The following PYGM variants were observed in gnomAD, a reference collection of about 807,000 sequenced individuals.
PYGM encodes glycogen phosphorylase, muscle form.
In PYGM, 81 loss-of-function variants were observed where a neutral mutation model predicts 99.3. The observed-to-expected ratio is 0.82, with a 90% CI of 0.68 to 0.98. PYGM has a LOEUF of 0.98. PYGM is among the 50% of genes least tolerant of loss of function. PYGM has a pLI of 0.00. For synonymous variants in PYGM, 436 were observed against 451.5 expected, an observed-to-expected ratio of 0.97 and a Z score of 0.44; for missense variants, 1,030 against 1,158.1, an observed-to-expected ratio of 0.89 and a Z score of 1.61.
chr11:64,751,296 TC>T, intron 16 of PYGM, 28 bp downstream of exon 16: 1 of 1,613,666 alleles, frequency 6.2e-7, no homozygotes, highest in Non-Finnish European at 8.5e-7. Flanking sequence ...AGTCAGAGCC[TC>T]CCTAGGGTCC....
intron 15 of PYGM, 27 bp downstream of exon 15, chr11:64,751,570 G>A: frequency 6.2e-7 from 1 of 1,614,038 alleles, no homozygotes; most frequent in Non-Finnish European, 8.5e-7. Flanking sequence ...AAGGACGGGA[G>A]CCCAGGGCTG....
In PYGM at chr11:64,753,158, T is replaced by C. The variant is rs758131128; in HGVS notation, c.1433A>G (p.His478Arg). The change falls in exon 12 of 20, where the codon CAT becomes CGT. Residue 478 changes from histidine to arginine, a missense_variant. His to Arg is a conservative substitution (Grantham distance 29). Coordinates refer to ENST00000164139, the MANE Select transcript of PYGM (RefSeq NM_005609.4). ...IFKDFYELEPHKFQNKTNGIT... is the reference protein window; with the variant it reads ...IFKDFYELEPRKFQNKTNGIT... Reference sequence around the variant, plus strand: ...GCCGTTGGTCTTATTCTGGAACTTATGAGGCTCCAGCTCATAGAAGTCTTT... The same window carrying C: ...GCCGTTGGTCTTATTCTGGAACTTACGAGGCTCCAGCTCATAGAAGTCTTT... 2.5e-5 allele frequency: 40 copies of C among 1,613,606 alleles called. No homozygotes were observed. The highest frequency in any genetic ancestry group is 3.3e-5 in the Non-Finnish European group (39 of 1,179,550).
Position 64,759,792 on chromosome 11 carries a change from A to C in PYGM, c.107T>G (p.Leu36Arg), listed in dbSNP as rs1394188143. The change falls in exon 1 of 20, where the codon CTG (leucine) becomes CGG (arginine). Residue 36 changes from leucine (L) to arginine (R), a missense_variant. Coordinates refer to ENST00000164139, the MANE Select transcript of PYGM (RefSeq NM_005609.4). ...GCGGTCCTTTACGAGTGTGAAATGC[A>C]GGTGCCGGTTGAAGTTCTTTTTCAG... Reference protein sequence around the residue: ...TELKKNFNRHLHFTLVKDRNV... With the variant: ...TELKKNFNRHRHFTLVKDRNV... 4.3e-6 allele frequency: 7 copies of C among 1,614,110 alleles called. No individual in the cohort carries two copies. The highest frequency in any genetic ancestry group is 5.9e-6 in the Non-Finnish European group (7 of 1,180,044).
At position 64,754,070 on chromosome 11, in the gene PYGM, G is replaced by A; in HGVS notation, c.1093-45C>T. On this transcript the variant is annotated intron_variant, in intron 9 of 19. Transcript: ENST00000164139. This position sits in a 1 kb window ranked among gnomAD's most constrained non-coding sequence, Gnocchi z 5.5. ...GTCAGGATGCTGACCTCAGCCCAGT[G>A]GGTCTCCTCACACACTACGCATCCC... 6.9e-6 allele frequency: 11 copies of A among 1,598,002 alleles called. No homozygotes were observed. The highest frequency in any genetic ancestry group is 9.4e-6 in the Non-Finnish European group (11 of 1,172,448).
At chr11:64,747,672 G>A in intron 17 of PYGM, 1 of 395,482 alleles carries the variant, frequency 2.5e-6, no homozygotes, top group Non-Finnish European at 4.8e-6. Context: ...GCTCCAAAAT[G>A]GCTTTTCTCC....
At position 64,747,209 on chromosome 11, in the gene PYGM, G is replaced by A. The variant is rs748356461; in HGVS notation, c.2312+15C>T. 19 of 1,613,692 alleles carry A rather than the reference G, an allele frequency of 1.2e-5. No individual in the cohort carries two copies. Among genetic ancestry groups the A allele is most frequent in the Middle Eastern group, 3.3e-4 (2 of 5,974 alleles). On this transcript the variant is annotated intron_variant, in intron 18 of 19. Transcript: ENST00000164139. ...TGCGGCCCCACCTGAGTGATTCCCG[G>A]GCCAACCAGCTCACCGGTCATGGTG...
Position 64,754,555 on chromosome 11 carries a change from G to A in PYGM, c.999+138C>T, listed in dbSNP as rs2058381477. On this transcript the variant is annotated intron_variant, in intron 8 of 19. Transcript: ENST00000164139. This position sits in a 1 kb window ranked among gnomAD's most constrained non-coding sequence, Gnocchi z 5.5. ...CCCAGGTTCTGAGCCTGTGGATTGT[G>A]AATCCTGAACAACTGACCCTCCCAC... 2 of 1,327,506 alleles carry A rather than the reference G, an allele frequency of 1.5e-6. No homozygotes were observed. Among genetic ancestry groups the A allele is most frequent in the Admixed American group, 2.0e-5 (1 of 49,738 alleles). The allele number at this position is 1,327,506 out of a possible 1,614,324, so 82.2% of individuals were successfully genotyped here. A position where few individuals can be genotyped will look rare whatever the true frequency, so the allele number is the denominator to read the frequency against.
Position 64,750,476 on chromosome 11 carries a change from T to C in PYGM, c.2077A>G (p.Met693Val), listed in dbSNP as rs1375876566. Residue 693 changes from methionine to valine, a missense_variant, in exon 17 of 20, where the codon ATG (methionine) becomes GTG (valine). By Grantham distance (21) the Met-to-Val change is conservative. Transcript: ENST00000164139. Reference protein sequence around the residue: ...MLNGALTIGTMDGANVEMAEE... With the variant: ...MLNGALTIGTVDGANVEMAEE... ...GCCATCTCCACATTGGCCCCGTCCA[T>C]GGTGCCAATGGTCAGAGCCCCGTTG... The C allele has an allele frequency of 1.2e-6, 2 of 1,614,106 alleles. No individual in the cohort carries two copies. The highest frequency in any genetic ancestry group is 2.2e-5 in the South Asian group (2 of 91,086).
intron 10 of PYGM, 63 bp from the exon 11 acceptor site, chr11:64,753,745 C>T: frequency 6.5e-7 from 1 of 1,547,486 alleles, no homozygotes; most frequent in Non-Finnish European, 8.7e-7. Context: ...GTCCCCAGCC[C>T]CACACCCCCA....
rs2058422018 is a variant in PYGM at position 64,759,776 on chromosome 11, TACGAGTGTGAA to T, written c.112_122del (p.Phe38LysfsTer36). On this transcript the variant is annotated frameshift_variant, in exon 1 of 20. Coordinates refer to ENST00000164139, the MANE Select transcript of PYGM (RefSeq NM_005609.4). LOFTEE classifies it high-confidence loss of function. The stretch of plus-strand genomic sequence containing the variant: ...GTGGGGTGGCCACATTGCGGTCCTT[TACGAGTGTGAA>T]ATGCAGGTGCCGGTTGAAGTTCTTT... 6.2e-7 allele frequency: 1 copy of T among 1,614,194 alleles called. No homozygotes were observed.
At chr11:64,759,992 A>T, upstream of PYGM, 19 of 1,556,710 alleles carry the variant, frequency 1.2e-5, no homozygotes, top group Non-Finnish European at 1.5e-5. Flanking sequence ...CCCAGCCTCA[A>T]GGGGATTTAA....
In PYGM at chr11:64,750,706, G is replaced by A. The variant is rs528264823; in HGVS notation, c.1970-123C>T. ...AGAGTCGCCCCACCCCAAACTCCCAGTCTTCACCAGCCAAGCCTCCCTCTC... is the reference window on the plus strand; with the variant it reads ...AGAGTCGCCCCACCCCAAACTCCCAATCTTCACCAGCCAAGCCTCCCTCTC... On this transcript the variant is annotated intron_variant, in intron 16 of 19. Coordinates refer to ENST00000164139, the MANE Select transcript of PYGM (RefSeq NM_005609.4). 4 of 858,334 alleles carry A rather than the reference G, an allele frequency of 4.7e-6. No individual in the cohort carries two copies. In the African/African-American group the frequency reaches 6.7e-5, roughly 14 times the overall value. The allele number at this position is 858,334 out of a possible 1,614,324, so 53.2% of individuals were successfully genotyped here. A position where few individuals can be genotyped will look rare whatever the true frequency, so the allele number is the denominator to read the frequency against.
chr11:64,754,725 C>T lies in PYGM; in HGVS notation c.967G>A (p.Val323Met), dbSNP rs770104418. Reference protein sequence around the residue: ...KSSKFGCRDPVRTNFDAFPDK... With the variant: ...KSSKFGCRDPMRTNFDAFPDK... ...GGGAAGGCATCGAAGTTCGTGCGCA[C>T]GGGATCACGGCAGCCGAACTTGGAA... The change falls in exon 8 of 20, where the codon GTG (valine) becomes ATG (methionine). Residue 323 changes from valine to methionine, a missense_variant. Val to Met is a conservative substitution (Grantham distance 21). Coordinates refer to ENST00000164139, the MANE Select transcript of PYGM (RefSeq NM_005609.4). This position sits in a 1 kb window ranked among gnomAD's most constrained non-coding sequence, Gnocchi z 5.5. 8.7e-6 allele frequency: 14 copies of T among 1,613,742 alleles called. No individual in the cohort carries two copies. The highest frequency in any genetic ancestry group is 2.2e-5 in the East Asian group (1 of 44,878).
rs778760934 is a variant in PYGM, at chr11:64,759,647, C to T, written c.243+9G>A. 1.9e-6 allele frequency: 3 copies of T among 1,613,296 alleles called. No homozygotes were observed. Among genetic ancestry groups the T allele is most frequent in the East Asian group, 4.5e-5 (2 of 44,882 alleles). On this transcript the variant is annotated intron_variant, in intron 1 of 19. Coordinates refer to ENST00000164139, the MANE Select transcript of PYGM (RefSeq NM_005609.4). ...GCCCATACCCCCACCCCAGGCTCCC[C>T]AGCAGCACCTTGGGGTCCTTCTCAT...
chr11:64,760,215 T>C, upstream of PYGM: 1 of 365,984 alleles, frequency 2.7e-6, no homozygotes. Context: ...CCCTTGTCCC[T>C]GCCTTTTGGA....
At position 64,751,944 on chromosome 11, in the gene PYGM, T is replaced by C. The variant is rs760543538; in HGVS notation, c.1748A>G (p.His583Arg). The C allele has an allele frequency of 3.1e-6, 5 of 1,614,110 alleles. No homozygotes were observed. Among genetic ancestry groups the C allele is most frequent in the East Asian group, 2.2e-5 (1 of 44,882 alleles). Reference protein sequence around the residue: ...EYKRQLLNCLHVITLYNRIKR... With the variant: ...EYKRQLLNCLRVITLYNRIKR... The stretch of plus-strand genomic sequence containing the variant: ...CTCACGGTTGTACAGGGTGATGACA[T>C]GGAGGCAGTTGAGGAGCTGTCGTTT... Residue 583 changes from histidine to arginine, a missense_variant, in exon 14 of 20, where the codon CAT (histidine) becomes CGT (arginine). Physicochemically the swap from His to Arg is conservative, Grantham distance 29. Transcript: ENST00000164139.
intron 1 of PYGM, 95 bp downstream of exon 1, chr11:64,759,561 C>A (rs888557629): frequency 1.5e-5 from 23 of 1,570,876 alleles, no homozygotes; most frequent in Non-Finnish European, 1.9e-5. Context: ...CCCCCAAGAA[C>A]CTAGAGTGAC....
chr11:64,759,523 C>T, intron 1 of PYGM, 133 bp downstream of exon 1: 1 of 1,441,502 alleles, frequency 6.9e-7, no homozygotes, highest in Non-Finnish European at 9.4e-7. Context: ...CCCAGCACCC[C>T]TTGTGCCTGG....
upstream of PYGM, chr11:64,760,047 G>A (rs1477451790): frequency 5.5e-6 from 7 of 1,273,216 alleles, no homozygotes; most frequent in Non-Finnish European, 3.2e-6. Context: ...GCAATGGGAG[G>A]GTCTTGGCCT....
Sources: gnomAD v4.1 joint callset for allele counts on GRCh38, gnomAD v4.1.1 for gene constraint, Gnocchi (gnomAD v3.1) non-coding constraint, MANE v1.5 for transcripts, NCBI Gene and HGNC (gene_info 2026-07-23, HGNC 2026-07-21) for gene names.